RGSL1: variants seen among roughly 807,000 people sequenced by gnomAD.
RGSL1 encodes regulator of G protein signaling protein-like.
A neutral mutation model predicts 124.7 loss-of-function variants in RGSL1; 97 were observed. The observed-to-expected ratio is 0.78, with a 90% CI of 0.66 to 0.92. The LOEUF is 0.92. RGSL1 is among the 40% of genes least tolerant of loss of function. The pLI is 0.00. For missense variants in RGSL1, 1,233 were observed against 1,288.4 expected (o/e 0.96, Z 0.66); for synonymous variants, 424 against 438.1 (o/e 0.97, Z 0.40).
At chr1:182,484,199 G>T (rs904681557) in intron 6 of RGSL1, among the ~76,000 whole-genome samples, 3 of 152,102 alleles carry the variant, frequency 2.0e-5, no homozygotes, top group Non-Finnish European at 4.4e-5. Context: ...CCTGTAGTGT[G>T]GGGTGCCTCA....
chr1:182,492,937 G>T, intron 8 of RGSL1, 85 bp from the exon 9 acceptor site: 1 of 918,102 alleles, frequency 1.1e-6, no homozygotes, highest in East Asian at 2.6e-5. Flanking sequence ...CATTTTAAAG[G>T]CAATACCTTC....
intron 4 of RGSL1, among the ~76,000 whole-genome samples, chr1:182,464,445 C>CG (rs904277977): frequency 6.6e-6 from 1 of 152,036 alleles, no homozygotes; most frequent in Non-Finnish European, 1.5e-5. Context: ...GAAGACTGGC[C>CG]GGGGGTGGTG....
At chr1:182,481,715 G>A (rs115659835) in intron 6 of RGSL1, among the ~76,000 whole-genome samples, 1 of 151,224 alleles carries the variant, frequency 6.6e-6, no homozygotes, top group African/African-American at 2.4e-5. Context: ...AGGTGCAGTG[G>A]TTCATGCCTG....
intron 6 of RGSL1, among the ~76,000 whole-genome samples, chr1:182,480,328 G>A (rs1383557156): frequency 6.6e-6 from 1 of 152,124 alleles, no homozygotes; most frequent in East Asian, 1.9e-4. Flanking sequence ...CTGCTTGGGA[G>A]GCTGAGGTAG....
At chr1:182,512,545 C>T (rs1657539011) in intron 9 of RGSL1, among the ~76,000 whole-genome samples, 2 of 152,126 alleles carry the variant, frequency 1.3e-5, no homozygotes, top group Admixed American at 6.5e-5. Flanking sequence ...TTTTGGGCTC[C>T]GGCCCCACGG....
intron 13 of RGSL1, 149 bp downstream of exon 13, chr1:182,531,059 T>G: frequency 4.4e-6 from 4 of 918,372 alleles, no homozygotes; most frequent in Non-Finnish European, 6.3e-6. Flanking sequence ...CTCTCTTCTC[T>G]ACCTGTGATT....
At chr1:182,501,307 C>CTTTTTTTTTTTTTTTTTTTTT (rs141279993) in intron 9 of RGSL1, among the ~76,000 whole-genome samples, 20 of 61,362 alleles carry the variant, frequency 3.3e-4, no homozygotes, top group South Asian at 7.1e-4. Flanking sequence ...TTTTTCTTTT[C>CTTTTTTTTTTTTTTTTTTTTT]TTTTTTTTTT....
chr1:182,476,832 G>C lies in RGSL1; in HGVS notation c.1431+2290G>C, dbSNP rs1654323586. Among the ~76,000 whole-genome samples the C allele has an allele frequency of 2.0e-5, 3 of 151,976 alleles. No homozygotes were observed. The South Asian group carries it at 6.2e-4, about 32-fold the overall frequency. ...CATCATCAACTGTGCCAGGCACGCT[G>C]CCAGCTTGGCTGTGCTCTGTAACAT... On this transcript the variant is annotated intron_variant, in intron 6 of 21. Coordinates refer to ENST00000294854, the MANE Select transcript of RGSL1 (RefSeq NM_001137669.2).
intron 14 of RGSL1, 96 bp downstream of exon 14, chr1:182,532,887 G>A (rs1366153665): frequency 1.1e-5 from 15 of 1,362,086 alleles, no homozygotes; most frequent in East Asian, 2.6e-5. Context: ...TCATGCCTGC[G>A]GCAGCCTGGA....
At chr1:182,472,374 G>T (rs867332350) in intron 4 of RGSL1, 22 bp from the exon 5 acceptor site, 2 of 1,539,840 alleles carry the variant, frequency 1.3e-6, no homozygotes, top group Middle Eastern at 1.7e-4. Flanking sequence ...ATAGCTCTGT[G>T]CCTCTTCTGT....
intron 15 of RGSL1, among the ~76,000 whole-genome samples, chr1:182,542,712 A>C (rs1336692699): frequency 6.6e-6 from 1 of 151,998 alleles, no homozygotes; most frequent in East Asian, 1.9e-4. Flanking sequence ...AATATACTTC[A>C]ATTGTGTGTG....
chr1:182,470,609 G>T (rs1653756006), intron 4 of RGSL1, among the ~76,000 whole-genome samples: 1 of 151,854 alleles, frequency 6.6e-6, no homozygotes, highest in Non-Finnish European at 1.5e-5. Context: ...TTTCTATTCT[G>T]ATTATAACCT....
rs182180387 is a variant in RGSL1 at position 182,504,073 on chromosome 1, C to T, written c.1825+10944C>T. ...TTGGCTCACTGCAACCTCTGCCTCC[C>T]GGGTTCAAGCGATTCCCCTGCCTCA... On this transcript the variant is annotated intron_variant, in intron 9 of 21. Coordinates refer to ENST00000294854, the MANE Select transcript of RGSL1 (RefSeq NM_001137669.2). 3.8e-3 allele frequency among the ~76,000 whole-genome samples: 569 copies of T among 150,878 alleles called. 6 individuals carry two copies. The highest frequency in any genetic ancestry group is 0.013 in the African/African-American group (551 of 41,032).
chr1:182,530,877 A>G lies in RGSL1; in HGVS notation c.2331A>G (p.Ser777=). ...SEVQISSRKP[S]KIVSTYLQES... is the part of the protein sequence containing the mutation. ...TACAAATTTCGTCTAGGAAGCCCTC[A>G]AAGATAGTGTCAACTTACCTACAGG... The change falls in exon 13 of 22, where the codon TCA becomes TCG. Residue 777 remains serine (S), a synonymous_variant. Transcript: ENST00000294854. The G allele has an allele frequency of 1.3e-6, 2 of 1,550,080 alleles. No individual in the cohort carries two copies. Among genetic ancestry groups the G allele is most frequent in the Admixed American group, 2.0e-5 (1 of 50,834 alleles).
intron 6 of RGSL1, among the ~76,000 whole-genome samples, chr1:182,477,459 G>T (rs990048107): frequency 6.6e-6 from 1 of 152,182 alleles, no homozygotes; most frequent in Non-Finnish European, 1.5e-5. Context: ...TCTGCCCTGA[G>T]ATCCAGCAGG....
chr1:182,551,051 C>G, intron 17 of RGSL1, 49 bp from the exon 18 acceptor site: 1 of 1,298,110 alleles, frequency 7.7e-7, no homozygotes, highest in Non-Finnish European at 1.1e-6. Flanking sequence ...TGCTCCAGCC[C>G]CCTCCACTGG....
Position 182,548,751 on chromosome 1 carries a change from G to A in RGSL1, c.2860G>A (p.Gly954Ser). 1 of 1,551,602 alleles carries A rather than the reference G, an allele frequency of 6.4e-7. No individual in the cohort carries two copies. ...KDAILAAITE[G>S]YLDRSVFHGA... ...TGCCATCCTTGCTGCCATCACAGAG[G>A]GCTACCTAGATCGGAGCGTCTTCCA... The change falls in exon 17 of 22, where the codon GGC becomes AGC. Residue 954 changes from glycine (G) to serine (S), a missense_variant. By Grantham distance (56) the Gly-to-Ser change is moderately conservative. Coordinates refer to ENST00000294854, the MANE Select transcript of RGSL1 (RefSeq NM_001137669.2).
chr1:182,506,080 G>C (rs1656787513), intron 9 of RGSL1, among the ~76,000 whole-genome samples: 1 of 152,100 alleles, frequency 6.6e-6, no homozygotes, highest in Non-Finnish European at 1.5e-5. Flanking sequence ...TTTAATCACA[G>C]ATTTAATCTC....
At chr1:182,484,678 G>T (rs1415171701) in intron 6 of RGSL1, among the ~76,000 whole-genome samples, 1 of 152,204 alleles carries the variant, frequency 6.6e-6, no homozygotes, top group African/African-American at 2.4e-5. Flanking sequence ...TAGGGGCAGG[G>T]TGCAGGTGCA....
Sources: gnomAD v4.1 joint callset for allele counts (sites outside exome capture counted in the v4.1 genomes callset) on GRCh38, gnomAD v4.1.1 for gene constraint, MANE v1.5 for transcripts, NCBI Gene and HGNC (gene_info 2026-07-23, HGNC 2026-07-21) for gene names.